RAD50: variants seen among roughly 807,000 people sequenced by gnomAD.
RAD50 encodes the protein RAD50 double strand break repair protein.
RAD50 carries 132 observed loss-of-function variants against 168.8 expected under a neutral mutation model. That is an observed-to-expected ratio of 0.78 (90% CI 0.68 to 0.90). RAD50 has a LOEUF of 0.90. RAD50 is among the 40% of genes least tolerant of loss of function. The pLI is 0.00. For synonymous variants in RAD50, 525 were observed against 497.4 expected (o/e 1.06, Z -0.74); for missense variants, 1,347 against 1,534.4 (o/e 0.88, Z 2.04).
intron 3 of RAD50, 30 bp downstream of exon 3, chr5:132,575,958 G>C: frequency 6.4e-7 from 1 of 1,568,276 alleles, no homozygotes; most frequent in Non-Finnish European, 8.7e-7. Context: ...TTGAATTTCT[G>C]TTCATTTTCA....
chr5:132,596,377 G>A (rs529143914), intron 13 of RAD50, among the ~76,000 whole-genome samples: 15 of 152,318 alleles, frequency 9.8e-5, no homozygotes, highest in African/African-American at 3.4e-4. Context: ...GACTTAGCTT[G>A]TGGGCATAGA....
intron 2 of RAD50, 69 bp downstream of exon 2, chr5:132,559,436 T>C (rs549852727): frequency 7.4e-6 from 11 of 1,490,234 alleles, no homozygotes; most frequent in Middle Eastern, 2.4e-4. Context: ...ATAGAAAACT[T>C]GGCACTGGAA....
chr5:132,624,871 CAAAA>C (rs10671829), intron 21 of RAD50, among the ~76,000 whole-genome samples: 3 of 57,350 alleles, frequency 5.2e-5, no homozygotes, highest in African/African-American at 5.3e-5. Flanking sequence ...GACCCTGTCT[CAAAA>C]AAAAAAAAAA....
At position 132,630,923 on chromosome 5, in the gene RAD50, G is replaced by A. The variant is rs1247583529; in HGVS notation, c.3390-6192G>A. ...CAAAACAGAACAACAAAATAAGGCA[G>A]GCTGGACAAGCTTGTTAAGACTTTC... On this transcript the variant is annotated intron_variant, in intron 21 of 24. Transcript: ENST00000378823. The A allele has an allele frequency of 3.3e-5, 5 of 152,242 alleles. No homozygotes were observed. The East Asian group carries it at 9.7e-4, about 29-fold the overall frequency. The allele number at this position is 152,242 out of a possible 1,614,324, so 9.4% of individuals were successfully genotyped here. A position where few individuals can be genotyped will look rare whatever the true frequency, so the allele number is the denominator to read the frequency against.
intron 5 of RAD50, among the ~76,000 whole-genome samples, chr5:132,587,275 A>G (rs140381206): frequency 1.3e-4 from 20 of 152,320 alleles, no homozygotes; most frequent in Non-Finnish European, 2.2e-4. Flanking sequence ...TAAATGCCCA[A>G]TGAATGAATA....
chr5:132,626,963 C>T (rs1751381601), intron 21 of RAD50, among the ~76,000 whole-genome samples: 1 of 152,070 alleles, frequency 6.6e-6, no homozygotes, highest in Admixed American at 6.5e-5. Context: ...TCACTGTAAC[C>T]TCTGCCTCTT....
At chr5:132,567,930 T>C (rs1041524087) in intron 2 of RAD50, among the ~76,000 whole-genome samples, 1 of 152,192 alleles carries the variant, frequency 6.6e-6, no homozygotes, top group Admixed American at 6.5e-5. Context: ...GCATCTACAA[T>C]GTGCAGAATA....
chr5:132,640,023 C>T (rs917487503), intron 23 of RAD50, among the ~76,000 whole-genome samples: 1 of 152,150 alleles, frequency 6.6e-6, no homozygotes, highest in African/African-American at 2.4e-5. Flanking sequence ...GTCTTGTATC[C>T]TCAGATGGTT....
intron 3 of RAD50, among the ~76,000 whole-genome samples, chr5:132,576,987 T>C (rs1420940343): frequency 6.6e-6 from 1 of 152,252 alleles, no homozygotes; most frequent in African/African-American, 2.4e-5. Flanking sequence ...ATTAGTCTTC[T>C]ATGACTGCTA....
chr5:132,591,341 G>C lies in RAD50; in HGVS notation c.1570G>C (p.Glu524Gln), dbSNP rs767738476. 1 of 1,613,842 alleles carries C rather than the reference G, an allele frequency of 6.2e-7. No individual in the cohort carries two copies. Among genetic ancestry groups the C allele is most frequent in the Non-Finnish European group, 8.5e-7 (1 of 1,179,918 alleles). Residue 524 changes from glutamate (E) to glutamine (Q), a missense_variant, in exon 10 of 25, where the codon GAG becomes CAG. Glu to Gln is a conservative substitution (Grantham distance 29). Coordinates refer to ENST00000378823, the MANE Select transcript of RAD50 (RefSeq NM_005732.4). ...LDRTLRKLDQ[E>Q]MEQLNHHTTT... ...CAGGACCCTGCGTAAACTTGACCAG[G>C]AGATGGAGCAGTTAAACCATCATAC...
intron 2 of RAD50, among the ~76,000 whole-genome samples, chr5:132,575,067 A>G (rs1387341169): frequency 6.6e-6 from 1 of 152,132 alleles, no homozygotes; most frequent in Non-Finnish European, 1.5e-5. Context: ...ACATTTTCGG[A>G]TAACTTTTCA....
chr5:132,579,535 T>TTAAG, intron 4 of RAD50, 33 bp downstream of exon 4: 1 of 1,583,464 alleles, frequency 6.3e-7, no homozygotes, highest in Non-Finnish European at 8.7e-7. Flanking sequence ...TTGTAGTCCA[T>TTAAG]TAAGTTATTG....
chr5:132,631,761 A>G (rs976945038), intron 21 of RAD50, among the ~76,000 whole-genome samples: 1 of 152,180 alleles, frequency 6.6e-6, no homozygotes, highest in Admixed American at 6.5e-5. Context: ...GCTGGAGTGC[A>G]GTGCTATGAT....
intron 21 of RAD50, among the ~76,000 whole-genome samples, chr5:132,635,780 A>C (rs2149862035): frequency 6.6e-6 from 1 of 152,352 alleles, no homozygotes; most frequent in Non-Finnish European, 1.5e-5. Context: ...CAGTCTTTAC[A>C]TGATTGGTCT....
In RAD50 at chr5:132,642,295, AAAGAACATCGATCAGTGCTCAG is replaced by A. The variant is rs759582800; in HGVS notation, c.3872_3893del (p.Lys1291ArgfsTer3). 2 of 1,614,106 alleles carry A rather than the reference AAAGAACATCGATCAGTGCTCAG, an allele frequency of 1.2e-6. No individual in the cohort carries two copies. Among genetic ancestry groups the A allele is most frequent in the Non-Finnish European group, 1.7e-6 (2 of 1,179,974 alleles). On this transcript the variant is annotated frameshift_variant, in exon 25 of 25. Coordinates refer to ENST00000378823, the MANE Select transcript of RAD50 (RefSeq NM_005732.4). LOFTEE classifies it high-confidence loss of function. The stretch of plus-strand genomic sequence containing the variant: ...ATGTGGAGAAATTCTACAGGATTAA[AAAGAACATCGATCAGTGCTCAG>A]AGATTGTGAAATGCAGTGTTAGCTC...
At chr5:132,602,570 T>G (rs1313252667) in intron 13 of RAD50, among the ~76,000 whole-genome samples, 2 of 152,148 alleles carry the variant, frequency 1.3e-5, no homozygotes, top group Admixed American at 1.3e-4. Flanking sequence ...TTTAAAAAAT[T>G]TTTATTTTGA....
chr5:132,608,720 G>A lies in RAD50; in HGVS notation c.2824G>A (p.Asp942Asn). ...KKNTSNKIAQ[D>N]KLNDIKEKVK... ...AAATACAAGCAACAAAATAGCACAG[G>A]ATAAAGTAAGATTTCATTTATATAT... Residue 942 changes from aspartate to asparagine, a missense_variant, in exon 17 of 25, where the codon GAT (aspartate) becomes AAT (asparagine). Asp to Asn is a conservative substitution (Grantham distance 23). Around this residue, in one of 3 missense-constraint regions of RAD50, gnomAD observed 635 missense variants for 739.2 expected, o/e 0.86. Transcript: ENST00000378823. The A allele has an allele frequency of 6.3e-7, 1 of 1,577,660 alleles. No individual in the cohort carries two copies. Among genetic ancestry groups the A allele is most frequent in the Non-Finnish European group, 8.6e-7 (1 of 1,162,020 alleles).
At chr5:132,634,903 A>G (rs1440246394) in intron 21 of RAD50, among the ~76,000 whole-genome samples, 1 of 152,082 alleles carries the variant, frequency 6.6e-6, no homozygotes, top group African/African-American at 2.4e-5. Flanking sequence ...CTTGGTCATG[A>G]TATATTCTTT....
At chr5:132,628,498 A>C (rs1480061237) in intron 21 of RAD50, among the ~76,000 whole-genome samples, 1 of 152,196 alleles carries the variant, frequency 6.6e-6, no homozygotes, top group East Asian at 1.9e-4. Context: ...AGTCAGTGGC[A>C]CAGTTGGAAC....
Sources: gnomAD v4.1 joint callset for allele counts (sites outside exome capture counted in the v4.1 genomes callset) on GRCh38, gnomAD v4.1.1 for gene constraint, gnomAD v4.1.1 regional missense constraint, MANE v1.5 for transcripts, NCBI Gene and HGNC (gene_info 2026-07-23, HGNC 2026-07-21) for gene names.